The following BTNL3 variants were observed in gnomAD, a reference collection of about 807,000 sequenced individuals.
BTNL3 encodes butyrophilin-like protein 3.
In BTNL3, 20 loss-of-function variants were observed where a neutral mutation model predicts 40.1. That is an observed-to-expected ratio of 0.50 (90% CI 0.35 to 0.72). The LOEUF is 0.72. Among genes scored for constraint, BTNL3 ranks in the 30% least tolerant of loss-of-function variants. The pLI, the probability that BTNL3 is intolerant of heterozygous loss-of-function variation, is 0.01. For synonymous variants in BTNL3, 179 were observed against 222.1 expected, an observed-to-expected ratio of 0.81 and a Z score of 1.73; for missense variants, 449 against 582.2, an observed-to-expected ratio of 0.77 and a Z score of 2.35.
chr5:181,004,887 C>A (rs1484818230), intron 7 of BTNL3, 125 bp downstream of exon 7: 3 of 1,558,442 alleles, frequency 1.9e-6, no homozygotes, highest in Non-Finnish European at 2.6e-6. Flanking sequence ...GGTGCAGCTG[C>A]CTCTAAATAC....
At chr5:180,994,975 G>A (rs1465209550) in intron 2 of BTNL3, among the ~76,000 whole-genome samples, 2 of 134,968 alleles carry the variant, frequency 1.5e-5, no homozygotes, top group Non-Finnish European at 3.4e-5. Context: ...TTTTAGTAGA[G>A]ACGGGGTTTC....
Position 181,002,799 on chromosome 5 carries a change from A to G in BTNL3, c.787+14A>G. 1 of 1,445,440 alleles carries G rather than the reference A, an allele frequency of 6.9e-7. No homozygotes were observed. Among genetic ancestry groups the G allele is most frequent in the Non-Finnish European group, 9.5e-7 (1 of 1,047,552 alleles). The allele number at this position is 1,445,440 out of a possible 1,614,324, so 89.5% of individuals were successfully genotyped here. On this transcript the variant is annotated intron_variant, in intron 4 of 7. Coordinates refer to ENST00000342868, the MANE Select transcript of BTNL3 (RefSeq NM_197975.3). ...TCAAATCCAAAGGTAAGTGAGAGAG[A>G]GAAGCATGGGCCCATACCTTCTTCA...
rs935131389 is a variant in BTNL3 at position 180,990,052 on chromosome 5, C to T, written c.49+975C>T. 5.9e-5 allele frequency among the ~76,000 whole-genome samples: 8 copies of T among 135,876 alleles called. 2 individuals are homozygous for T. The highest frequency in any genetic ancestry group is 1.0e-4 in the African/African-American group (4 of 39,514). The allele number at this position is 135,876 out of a possible 152,430, so 89.1% of individuals were successfully genotyped here. A position where few individuals can be genotyped will look rare whatever the true frequency, so the allele number is the denominator to read the frequency against. Reference sequence around the variant, plus strand: ...GTGAGCGCCTGTAGTCCCAGCTACTCGGGAGGCTGAGGCACGAGAATCACT... The same window carrying T: ...GTGAGCGCCTGTAGTCCCAGCTACTTGGGAGGCTGAGGCACGAGAATCACT... On this transcript the variant is annotated intron_variant, in intron 1 of 7. Transcript: ENST00000342868.
Position 181,005,994 on chromosome 5 carries a change from C to T in BTNL3, c.*122C>T. 8.8e-7 allele frequency: 1 copy of T among 1,132,876 alleles called. No homozygotes were observed. Among genetic ancestry groups the T allele is most frequent in the Non-Finnish European group, 1.2e-6 (1 of 815,576 alleles). The allele number at this position is 1,132,876 out of a possible 1,614,324, so 70.2% of individuals were successfully genotyped here. On this transcript the variant is annotated 3_prime_UTR_variant, in exon 8 of 8. Transcript: ENST00000342868. ...GCCTGCGCACAGAGAGTCACGCCCC[C>T]CACTCTCCTTTAGGGAGCTGAGGTT... is the stretch of plus-strand genomic sequence containing the variant.
rs757923639 is a variant in BTNL3 at position 180,993,127 on chromosome 5, G to A, written c.364G>A (p.Asp122Asn). ...YGCWFSSQIY[D>N]EEATWELRVA... Reference sequence around the variant, plus strand: ...GTGCTGGTTCAGTTCCCAGATTTACGATGAGGAGGCCACCTGGGAGCTGCG... The same window carrying A: ...GTGCTGGTTCAGTTCCCAGATTTACAATGAGGAGGCCACCTGGGAGCTGCG... Residue 122 changes from aspartate (D) to asparagine (N), a missense_variant, in exon 2 of 8, where the codon GAT becomes AAT. Transcript: ENST00000342868. The A allele has an allele frequency of 6.2e-6, 9 of 1,445,822 alleles. 3 individuals are homozygous for A. The highest frequency in any genetic ancestry group is 4.0e-5 in the Admixed American group (2 of 50,470). The allele number at this position is 1,445,822 out of a possible 1,614,324, so 89.6% of individuals were successfully genotyped here.
At chr5:181,004,072 G>C (rs1253429913) in intron 5 of BTNL3, 196 bp downstream of exon 5, 4 of 1,482,498 alleles carry the variant, frequency 2.7e-6, no homozygotes, top group Non-Finnish European at 3.7e-6. Flanking sequence ...GATAGGCCCC[G>C]GGGCCTGGAA....
chr5:181,004,763 G>C lies in BTNL3; in HGVS notation c.862+1G>C. Reference sequence around the variant, plus strand: ...TTGAGAGACGCCCGGAAACACGCAGGTACCAACGCCTGAGAGGGTAACAGT... The same window carrying C: ...TTGAGAGACGCCCGGAAACACGCAGCTACCAACGCCTGAGAGGGTAACAGT... On this transcript the variant is annotated splice_donor_variant, in intron 7 of 7. Transcript: ENST00000342868. LOFTEE classifies it high-confidence loss of function. 6.2e-7 allele frequency: 1 copy of C among 1,614,184 alleles called. No homozygotes were observed.
rs1206701997 is a variant in BTNL3, at chr5:180,993,097, T to C, written c.334T>C (p.Tyr112His). 10 of 1,452,138 alleles carry C rather than the reference T, an allele frequency of 6.9e-6. 2 individuals carry two copies. The highest frequency in any genetic ancestry group is 9.5e-6 in the Non-Finnish European group (10 of 1,052,760). 90.0% of individuals were successfully genotyped at this position (1,452,138 alleles called of 1,614,324 possible). ...KNITPSDIGL[Y>H]GCWFSSQIYD... is the part of the protein sequence containing the mutation. ...CATCACTCCCTCGGACATCGGCCTG[T>C]ATGGGTGCTGGTTCAGTTCCCAGAT... Residue 112 changes from tyrosine to histidine, a missense_variant, in exon 2 of 8, where the codon TAT becomes CAT. Tyr to His is a moderately conservative substitution (Grantham distance 83). Transcript: ENST00000342868.
intron 4 of BTNL3, among the ~76,000 whole-genome samples, 176 bp from the exon 5 acceptor site, chr5:181,003,680 C>T (rs1223822407): frequency 1.3e-5 from 2 of 149,638 alleles, no homozygotes; most frequent in Non-Finnish European, 3.0e-5. Flanking sequence ...ATCTCTTGCT[C>T]CACCCCAGAG....
intron 2 of BTNL3, 113 bp downstream of exon 2, chr5:180,993,273 G>A: frequency 1.5e-6 from 2 of 1,308,586 alleles, no homozygotes; most frequent in Non-Finnish European, 2.0e-6. Flanking sequence ...CTGACATGAT[G>A]TAAAAAGGCT....
Position 180,993,140 on chromosome 5 carries a change from C to T in BTNL3, c.377C>T (p.Thr126Ile), listed in dbSNP as rs1444218692. 2 of 1,442,242 alleles carry T rather than the reference C, an allele frequency of 1.4e-6. No homozygotes were observed. Among genetic ancestry groups the T allele is most frequent in the African/African-American group, 2.8e-5 (2 of 72,256 alleles). 89.3% of individuals were successfully genotyped at this position (1,442,242 alleles called of 1,614,324 possible). A position where few individuals can be genotyped will look rare whatever the true frequency, so the allele number is the denominator to read the frequency against. ...FSSQIYDEEA[T>I]WELRVAALGS... is the part of the protein sequence containing the mutation. ...TCCCAGATTTACGATGAGGAGGCCA[C>T]CTGGGAGCTGCGGGTGGCAGGTCAG... The change falls in exon 2 of 8, where the codon ACC becomes ATC. Residue 126 changes from threonine (T) to isoleucine (I), a missense_variant. Thr to Ile is a moderately conservative substitution (Grantham distance 89, BLOSUM62 -1). Coordinates refer to ENST00000342868, the MANE Select transcript of BTNL3 (RefSeq NM_197975.3).
chr5:181,003,487 A>G (rs1171988905), intron 4 of BTNL3, among the ~76,000 whole-genome samples: 1 of 137,532 alleles, frequency 7.3e-6, no homozygotes, highest in Non-Finnish European at 1.7e-5. Flanking sequence ...TGACTGACTG[A>G]GATAAAATGA....
At position 181,005,546 on chromosome 5, in the gene BTNL3, C is replaced by T. The variant is rs551068328; in HGVS notation, c.1075C>T (p.Arg359Trp). 41 of 1,613,838 alleles carry T rather than the reference C, an allele frequency of 2.5e-5. No individual in the cohort carries two copies. The highest frequency in any genetic ancestry group is 3.3e-5 in the Admixed American group (2 of 59,970). Residue 359 changes from arginine (R) to tryptophan (W), a missense_variant, in exon 8 of 8, where the codon CGG becomes TGG. Arg to Trp is a moderately radical substitution (Grantham distance 101). Coordinates refer to ENST00000342868, the MANE Select transcript of BTNL3 (RefSeq NM_197975.3). ...QNVGWYVGVC[R>W]DDVDRGKNNV... is the part of the protein sequence containing the mutation. ...TGTAGGGTGGTATGTGGGAGTGTGT[C>T]GGGATGACGTAGACAGGGGGAAGAA...
At chr5:180,997,601 T>C in intron 3 of BTNL3, 113 bp downstream of exon 3, 1 of 1,350,922 alleles carries the variant, frequency 7.4e-7, no homozygotes, top group Non-Finnish European at 1.0e-6. Flanking sequence ...CAATGATTTG[T>C]TTTGAGAGTC....
rs1043311097 is a variant in BTNL3, at chr5:181,001,616, C to A, written c.674-1056C>A. On this transcript the variant is annotated intron_variant, in intron 3 of 7. Coordinates refer to ENST00000342868, the MANE Select transcript of BTNL3 (RefSeq NM_197975.3). Reference sequence around the variant, plus strand: ...ATCCCAGCACTTTGGGAGGCCGAGACGGGAGGATCACGAGGTTAGGAGATC... The same window carrying A: ...ATCCCAGCACTTTGGGAGGCCGAGAAGGGAGGATCACGAGGTTAGGAGATC... Among the ~76,000 whole-genome samples, 2 of 133,678 alleles carry A rather than the reference C, an allele frequency of 1.5e-5. 1 individual carries two copies. Among genetic ancestry groups the A allele is most frequent in the East Asian group, 4.5e-4 (2 of 4,478 alleles). The allele number at this position is 133,678 out of a possible 152,430, so 87.7% of individuals were successfully genotyped here.
intron 1 of BTNL3, among the ~76,000 whole-genome samples, chr5:180,992,250 G>T (rs1759979765): frequency 7.3e-6 from 1 of 136,872 alleles, no homozygotes. Context: ...AAAAAAAGAA[G>T]CACAAATAAA....
chr5:180,998,731 G>A (rs1376565536), intron 3 of BTNL3, among the ~76,000 whole-genome samples: 1 of 137,650 alleles, frequency 7.3e-6, no homozygotes, highest in Non-Finnish European at 1.7e-5. Flanking sequence ...CTGAGAAATT[G>A]AAGAAAGCAT....
chr5:181,004,800 A>C, intron 7 of BTNL3, 38 bp downstream of exon 7: 2 of 1,614,090 alleles, frequency 1.2e-6, no homozygotes, highest in South Asian at 2.2e-5. Flanking sequence ...GGCATGGAGT[A>C]GGAAGATGAC....
rs1047522030 is a variant in BTNL3, at chr5:181,006,502, G to A, written c.*630G>A. 2.0e-5 allele frequency: 3 copies of A among 152,360 alleles called. No individual in the cohort carries two copies. Among genetic ancestry groups the A allele is most frequent in the Non-Finnish European group, 4.4e-5 (3 of 68,368 alleles). The allele number at this position is 152,360 out of a possible 1,614,324, so 9.4% of individuals were successfully genotyped here. A position where few individuals can be genotyped will look rare whatever the true frequency, so the allele number is the denominator to read the frequency against. On this transcript the variant is annotated 3_prime_UTR_variant, in exon 8 of 8. Coordinates refer to ENST00000342868, the MANE Select transcript of BTNL3 (RefSeq NM_197975.3). ...CCAGCATTACCTGATACCAAAACCA[G>A]GCAAAGAAAACAGAAGAAGAGGAAG...
Sources: gnomAD v4.1 joint callset for allele counts (sites outside exome capture counted in the v4.1 genomes callset) on GRCh38, gnomAD v4.1.1 for gene constraint, MANE v1.5 for transcripts, NCBI Gene and HGNC (gene_info 2026-07-23, HGNC 2026-07-21) for gene names.